The following DRC2 variants were observed in gnomAD, a reference collection of about 807,000 sequenced individuals.
The protein encoded by DRC2 is coiled-coil domain containing 65.
chr12:48,909,977 A>G, the DRC2 span, among the ~76,000 whole-genome samples: 3 of 151,406 alleles, frequency 2.0e-5, no homozygotes, highest in East Asian at 5.9e-4. Context: ...ACGGGGCTTC[A>G]TCATGTTGGC....
the DRC2 span, among the ~76,000 whole-genome samples, chr12:48,920,584 C>T: frequency 6.8e-6 from 1 of 147,000 alleles, no homozygotes; most frequent in Admixed American, 6.8e-5. Flanking sequence ...TGTGGTGGCA[C>T]CATCTCGTCT....
the DRC2 span, among the ~76,000 whole-genome samples, chr12:48,916,427 G>A: frequency 3.3e-5 from 5 of 151,480 alleles, no homozygotes; most frequent in East Asian, 1.9e-4. Flanking sequence ...GCGAAACCCC[G>A]TCTCCACCAA....
At chr12:48,918,909 A>C in the DRC2 span, 1 of 1,604,906 alleles carries the variant, frequency 6.2e-7, no homozygotes. Context: ...ATAAGGTAAC[A>C]CAGGGGAGAG....
At chr12:48,920,486 G>A in the DRC2 span, among the ~76,000 whole-genome samples, 1 of 111,214 alleles carries the variant, frequency 9.0e-6, no homozygotes, top group Non-Finnish European at 1.9e-5. Context: ...GAATGAGTTT[G>A]TTTTTTTTTT....
At chr12:48,906,987 A>G in the DRC2 span, among the ~76,000 whole-genome samples, 2 of 151,690 alleles carry the variant, frequency 1.3e-5, no homozygotes, top group Non-Finnish European at 2.9e-5. Context: ...AGGCTGAGGC[A>G]GGCGGATCAC....
chr12:48,908,823 A>T, the DRC2 span, among the ~76,000 whole-genome samples: 3 of 151,282 alleles, frequency 2.0e-5, no homozygotes, highest in South Asian at 6.2e-4. Flanking sequence ...CTGGTCTCTA[A>T]CTCCTGGCCT....
chr12:48,920,441 T>TTTTAAAAA, the DRC2 span, among the ~76,000 whole-genome samples: 1,526 of 67,720 alleles, frequency 0.023, 90 homozygotes, highest in Non-Finnish European at 0.034. Context: ...AACTCCATCT[T>TTTTAAAAA]AAAAAAAAAA....
the DRC2 span, chr12:48,914,296 C>A: frequency 1.8e-6 from 2 of 1,136,030 alleles, no homozygotes; most frequent in Non-Finnish European, 2.5e-6. Context: ...TTCTTAAAGT[C>A]AAAGAATTGG....
At chr12:48,913,656 GA>G in the DRC2 span, among the ~76,000 whole-genome samples, 1 of 151,996 alleles carries the variant, frequency 6.6e-6, no homozygotes, top group Non-Finnish European at 1.5e-5. Flanking sequence ...ACCATGGCCG[GA>G]ATTTTTTTTT....
chr12:48,921,517 A>ATT, the DRC2 span: 71,938 of 1,376,080 alleles, frequency 0.052, 240 homozygotes, highest in Non-Finnish European at 0.059. Flanking sequence ...ACTCCTAGAG[A>ATT]TTTTTTTTTT....
At chr12:48,921,284 G>A in the DRC2 span, 3 of 1,614,216 alleles carry the variant, frequency 1.9e-6, no homozygotes, top group Non-Finnish European at 2.5e-6. Context: ...ATGGGAAGCT[G>A]CGGGAGATGC....
the DRC2 span, among the ~76,000 whole-genome samples, chr12:48,907,386 G>C: frequency 6.6e-6 from 1 of 152,076 alleles, no homozygotes; most frequent in Non-Finnish European, 1.5e-5. Context: ...GGCATGAATG[G>C]GTTAAGGGAA....
chr12:48,913,234 G>A, the DRC2 span, among the ~76,000 whole-genome samples: 1 of 151,938 alleles, frequency 6.6e-6, no homozygotes, highest in Non-Finnish European at 1.5e-5. Flanking sequence ...CTTTTCAGTG[G>A]TAGCTACATC....
At chr12:48,904,804 A>T in the DRC2 span, 2 of 674,556 alleles carry the variant, frequency 3.0e-6, no homozygotes, top group Non-Finnish European at 4.8e-6. Context: ...CCCTGAAGGA[A>T]ATTCACCCTT....
the DRC2 span, chr12:48,905,198 C>A: frequency 1.7e-6 from 2 of 1,201,482 alleles, no homozygotes; most frequent in Non-Finnish European, 2.3e-6. Flanking sequence ...TTAAAGCCCT[C>A]ACAAGACACA....
the DRC2 span, among the ~76,000 whole-genome samples, chr12:48,906,443 G>A: frequency 3.3e-5 from 5 of 151,510 alleles, no homozygotes; most frequent in African/African-American, 1.2e-4. Flanking sequence ...GTGCCACCAC[G>A]CCCACTAATT....
chr12:48,913,597 ATTC>A, the DRC2 span, among the ~76,000 whole-genome samples: 1 of 151,950 alleles, frequency 6.6e-6, no homozygotes, highest in Non-Finnish European at 1.5e-5. Flanking sequence ...GGTTCAAGCA[ATTC>A]TTCTTGCCTC....
At chr12:48,916,969 G>A in the DRC2 span, 4 of 1,613,284 alleles carry the variant, frequency 2.5e-6, no homozygotes, top group East Asian at 8.9e-5. Flanking sequence ...GTCTCCTACA[G>A]GAAGACAATT....
the DRC2 span, among the ~76,000 whole-genome samples, chr12:48,913,828 A>G: frequency 6.6e-6 from 1 of 150,432 alleles, no homozygotes; most frequent in African/African-American, 2.5e-5. Flanking sequence ...GGGCTTCACC[A>G]TGTTGGTCAG....
Sources: allele counts gnomAD v4.1 joint callset (sites outside exome capture counted in the v4.1 genomes callset), GRCh38; gene constraint gnomAD v4.1.1; transcripts MANE v1.5; gene names NCBI Gene and HGNC (gene_info 2026-07-23, HGNC 2026-07-21).